CSNK1G2: variants seen among roughly 807,000 people sequenced by gnomAD.
CSNK1G2 encodes casein kinase I isoform gamma-2.
Under a neutral mutation model 48.0 loss-of-function variants are expected in CSNK1G2, and 11 were observed. The ratio of observed to expected loss-of-function variants is 0.23; its 90% confidence interval spans 0.14 to 0.38. CSNK1G2 has a LOEUF of 0.38. Among genes scored for constraint, CSNK1G2 ranks in the 10% least tolerant of loss-of-function variants. CSNK1G2 has a pLI of 1.00. For synonymous variants in CSNK1G2, 337 were observed against 254.1 expected (o/e 1.33, Z -3.10); for missense variants, 446 against 595.5 (o/e 0.75, Z 2.61).
At chr19:1,970,216 A>G (rs1044903241) in intron 2 of CSNK1G2, among the ~76,000 whole-genome samples, 1 of 152,236 alleles carries the variant, frequency 6.6e-6, no homozygotes, top group Non-Finnish European at 1.5e-5. Context: ...CAGGTGGCCC[A>G]GAGCAGGCCA....
rs988640342 is a variant in CSNK1G2, at chr19:1,941,389, G to A, written c.-295G>A. The A allele has an allele frequency of 1.3e-5, 2 of 148,278 alleles. No individual in the cohort carries two copies. The highest frequency in any genetic ancestry group is 4.9e-5 in the African/African-American group (2 of 40,838). 9.2% of individuals were successfully genotyped at this position (148,278 alleles called of 1,614,324 possible). On this transcript the variant is annotated 5_prime_UTR_variant, in exon 1 of 12. Coordinates refer to ENST00000255641, the MANE Select transcript of CSNK1G2 (RefSeq NM_001319.7). ...AGGCCGGGCCGGCCGCCCAGACGCT[G>A]CCCGCGGGCCCGGCCACGGCGGAGC...
chr19:1,941,220 G>T lies in CSNK1G2; in HGVS notation c.-464G>T, dbSNP rs964586571. On this transcript the variant is annotated 5_prime_UTR_variant, in exon 1 of 12. Coordinates refer to ENST00000255641, the MANE Select transcript of CSNK1G2 (RefSeq NM_001319.7). ...CGGGCCCCGGAGCGGGCGCGGCGGA[G>T]CGCGGCGAGCCCGGCGCCTCCCGTC... 5 of 146,182 alleles carry T rather than the reference G, an allele frequency of 3.4e-5. No homozygotes were observed. The highest frequency in any genetic ancestry group is 1.2e-4 in the African/African-American group (5 of 40,756). The allele number at this position is 146,182 out of a possible 1,614,324, so 9.1% of individuals were successfully genotyped here. A position where few individuals can be genotyped will look rare whatever the true frequency, so the allele number is the denominator to read the frequency against.
At chr19:1,970,955 C>T (rs1465446052) in intron 2 of CSNK1G2, among the ~76,000 whole-genome samples, 3 of 152,186 alleles carry the variant, frequency 2.0e-5, no homozygotes, top group Non-Finnish European at 4.4e-5. Context: ...AACAGGCCCA[C>T]GCAGTGGTCA....
intron 1 of CSNK1G2, among the ~76,000 whole-genome samples, chr19:1,944,451 G>C (rs1177834798): frequency 1.3e-5 from 2 of 152,176 alleles, no homozygotes; most frequent in Non-Finnish European, 2.9e-5. Flanking sequence ...TGGCCTGCTT[G>C]GGTAGAGGAG....
rs1456487937 is a variant in CSNK1G2 at position 1,957,520 on chromosome 19, C to CCT, written c.-265-11980_-265-11979dup. Among the ~76,000 whole-genome samples, 3 of 152,180 alleles carry CCT rather than the reference C, an allele frequency of 2.0e-5. No individual in the cohort carries two copies. The highest frequency in any genetic ancestry group is 4.4e-5 in the Non-Finnish European group (3 of 68,024). ...TTAGGAGGGACAGTGAGCGCAGGCA[C>CCT]CTCTCTCTCCACTTCATGTTTGTCC... On this transcript the variant is annotated intron_variant, in intron 1 of 11. Coordinates refer to ENST00000255641, the MANE Select transcript of CSNK1G2 (RefSeq NM_001319.7). The surrounding 1 kb of genome is among the most constrained non-coding windows in gnomAD (Gnocchi z 5.4).
chr19:1,971,990 T>C (rs1315766426), intron 2 of CSNK1G2, among the ~76,000 whole-genome samples: 2 of 152,248 alleles, frequency 1.3e-5, no homozygotes, highest in East Asian at 3.9e-4. Context: ...AGGATGGTCT[T>C]GATCTCCTGA....
chr19:1,964,236 C>G (rs2015291955), intron 1 of CSNK1G2, among the ~76,000 whole-genome samples: 1 of 150,846 alleles, frequency 6.6e-6, no homozygotes, highest in Non-Finnish European at 1.5e-5. Flanking sequence ...GAGGCTGCAG[C>G]AAGCTGTGAT....
chr19:1,972,629 G>A (rs571208443), intron 2 of CSNK1G2, among the ~76,000 whole-genome samples: 1 of 152,050 alleles, frequency 6.6e-6, no homozygotes, highest in African/African-American at 2.4e-5. Context: ...GCTTTGTTTT[G>A]TTTTGTTTTT....
At chr19:1,979,141 G>A in intron 6 of CSNK1G2, 22 bp from the exon 7 acceptor site, 1 of 1,544,476 alleles carries the variant, frequency 6.5e-7, no homozygotes, top group Non-Finnish European at 8.7e-7. Context: ...ACCCCGCTGA[G>A]GCTGCGCCCC....
intron 2 of CSNK1G2, among the ~76,000 whole-genome samples, chr19:1,976,979 TC>T (rs770764457): frequency 6.6e-6 from 1 of 152,196 alleles, no homozygotes; most frequent in Non-Finnish European, 1.5e-5. Context: ...CCTCAGGTGA[TC>T]CGCCTGCGTC....
chr19:1,962,061 G>A (rs1055292597), intron 1 of CSNK1G2, among the ~76,000 whole-genome samples: 1 of 152,214 alleles, frequency 6.6e-6, no homozygotes, highest in African/African-American at 2.4e-5. Flanking sequence ...CAGGCGCGGT[G>A]GCTCACGCCT....
chr19:1,944,365 G>A (rs574137741), intron 1 of CSNK1G2, among the ~76,000 whole-genome samples: 20 of 152,252 alleles, frequency 1.3e-4, no homozygotes, highest in African/African-American at 4.1e-4. Flanking sequence ...TGGAGTTCTC[G>A]TGGGGCCCGT....
chr19:1,948,541 G>C (rs2396364), intron 1 of CSNK1G2, among the ~76,000 whole-genome samples: 42 of 76,032 alleles, frequency 5.5e-4, no homozygotes, highest in Non-Finnish European at 7.0e-4. Flanking sequence ...AAAAAAAAAC[G>C]CAAAAAAAAA....
At position 1,960,179 on chromosome 19, in the gene CSNK1G2, C is replaced by CGTCCT. The variant is rs573958309; in HGVS notation, c.-265-9327_-265-9323dup. 2.4e-4 allele frequency among the ~76,000 whole-genome samples: 36 copies of CGTCCT among 152,320 alleles called. No homozygotes were observed. The South Asian group carries it at 7.2e-3, about 31-fold the overall frequency. On this transcript the variant is annotated intron_variant, in intron 1 of 11. Transcript: ENST00000255641. Reference sequence around the variant, plus strand: ...CACAGGGGCGTGTAGGAAGAAAAGGCGTCCTGCTTAGGAGATAGGTACATC... The same window carrying CGTCCT: ...CACAGGGGCGTGTAGGAAGAAAAGGCGTCCTGTCCTGCTTAGGAGATAGGTACATC...
rs2015044819 is a variant in CSNK1G2, at chr19:1,957,671, A to C, written c.-265-11837A>C. ...CACAGGCAGAGACTGGAGGGTGCGC[A>C]GGACCCCGGGTGACTGCAGACGTGG... On this transcript the variant is annotated intron_variant, in intron 1 of 11. Transcript: ENST00000255641. The surrounding 1 kb of genome is among the most constrained non-coding windows in gnomAD (Gnocchi z 5.4). Among the ~76,000 whole-genome samples the C allele has an allele frequency of 6.6e-6, 1 of 152,182 alleles. No homozygotes were observed. Among genetic ancestry groups the C allele is most frequent in the African/African-American group, 2.4e-5 (1 of 41,446 alleles).
In CSNK1G2 at chr19:1,979,555, A is replaced by G. The variant is rs1568207335; in HGVS notation, c.914A>G (p.Tyr305Cys). The G allele has an allele frequency of 1.9e-6, 3 of 1,608,684 alleles. No homozygotes were observed. Among genetic ancestry groups the G allele is most frequent in the Non-Finnish European group, 1.7e-6 (2 of 1,179,600 alleles). Reference sequence around the variant, plus strand: ...CTGGACTTCTTCGAGAAGCCCGACTATGACTACCTGCGGAAGCTCTTCACC... The same window carrying G: ...CTGGACTTCTTCGAGAAGCCCGACTGTGACTACCTGCGGAAGCTCTTCACC... ...RRLDFFEKPD[Y>C]DYLRKLFTDL... is the part of the protein sequence containing the mutation. The change falls in exon 9 of 12, where the codon TAT becomes TGT. Residue 305 changes from tyrosine (Y) to cysteine (C), a missense_variant. By Grantham distance (194) the Tyr-to-Cys change is radical. Coordinates refer to ENST00000255641, the MANE Select transcript of CSNK1G2 (RefSeq NM_001319.7).
In CSNK1G2 at chr19:1,978,229, G is replaced by A; in HGVS notation, c.188-76G>A. 1 of 1,512,574 alleles carries A rather than the reference G, an allele frequency of 6.6e-7. No homozygotes were observed. Among genetic ancestry groups the A allele is most frequent in the Non-Finnish European group, 9.2e-7 (1 of 1,091,604 alleles). The allele number at this position is 1,512,574 out of a possible 1,614,324, so 93.7% of individuals were successfully genotyped here. A position where few individuals can be genotyped will look rare whatever the true frequency, so the allele number is the denominator to read the frequency against. On this transcript the variant is annotated intron_variant, in intron 2 of 11. Coordinates refer to ENST00000255641, the MANE Select transcript of CSNK1G2 (RefSeq NM_001319.7). The surrounding 1 kb of genome is among the most constrained non-coding windows in gnomAD (Gnocchi z 7.3). ...CTTCAGGGACCCCCTCCTGCCTCCT[G>A]CCTCGGGGGTGGGCTGGGGAGGTCG... is the stretch of plus-strand genomic sequence containing the variant.
chr19:1,949,489 C>G (rs1028606277), intron 1 of CSNK1G2, among the ~76,000 whole-genome samples: 8 of 152,218 alleles, frequency 5.3e-5, no homozygotes, highest in African/African-American at 1.7e-4. Flanking sequence ...CGCTCCTGTT[C>G]GTGGCTGAGT....
At chr19:1,944,245 A>G (rs1459701069) in intron 1 of CSNK1G2, among the ~76,000 whole-genome samples, 3 of 152,024 alleles carry the variant, frequency 2.0e-5, no homozygotes, top group African/African-American at 7.2e-5. Flanking sequence ...GCCGGCAGCC[A>G]CACGAGAGAA....
Sources: allele counts gnomAD v4.1 joint callset (sites outside exome capture counted in the v4.1 genomes callset), GRCh38; gene constraint gnomAD v4.1.1; non-coding constraint Gnocchi (gnomAD v3.1); transcripts MANE v1.5; gene names NCBI Gene and HGNC (gene_info 2026-07-23, HGNC 2026-07-21).